The following RABGAP1L variants were observed in gnomAD, a reference collection of about 807,000 sequenced individuals.
The protein encoded by RABGAP1L is RAB GTPase activating protein 1 like, also known as rab GTPase-activating protein 1-like.
In RABGAP1L, 63 loss-of-function variants were observed where a neutral mutation model predicts 137.7. The observed-to-expected ratio is 0.46, with a 90% CI of 0.37 to 0.56. The LOEUF (loss-of-function observed/expected upper bound fraction) is 0.56, where lower values mean the gene tolerates loss of function less well. Ranked by LOEUF, RABGAP1L falls within the 20% of genes least tolerant of loss-of-function variation. RABGAP1L has a pLI of 0.00. For missense variants in RABGAP1L, 1,095 were observed against 1,244.0 expected (o/e 0.88, Z 1.80); for synonymous variants, 431 against 433.7 (o/e 0.99, Z 0.08).
At chr1:174,529,259 C>T (rs758689076) in intron 13 of RABGAP1L, among the ~76,000 whole-genome samples, 5 of 151,852 alleles carry the variant, frequency 3.3e-5, no homozygotes, top group East Asian at 3.9e-4. Context: ...ATATAACAGT[C>T]GCTTCTTTCA....
At chr1:174,548,344 T>C in intron 13 of RABGAP1L, 16 of 1,142,532 alleles carry the variant, frequency 1.4e-5, no homozygotes, top group Non-Finnish European at 1.8e-5. Flanking sequence ...GTTTTTAAAG[T>C]GCTCTATTAC....
chr1:174,677,053 G>A (rs1677685215), intron 14 of RABGAP1L, among the ~76,000 whole-genome samples: 1 of 151,660 alleles, frequency 6.6e-6, no homozygotes, highest in Admixed American at 6.6e-5. Context: ...CAGATGGGGT[G>A]GCTCATGCGT....
chr1:174,182,979 T>C (rs1666498264), intron 1 of RABGAP1L, among the ~76,000 whole-genome samples: 2 of 152,250 alleles, frequency 1.3e-5, no homozygotes, highest in South Asian at 4.1e-4. Context: ...AAGCTATTTC[T>C]TTATATGCAT....
At chr1:174,749,711 G>A (rs540845066) in intron 17 of RABGAP1L, among the ~76,000 whole-genome samples, 6 of 152,172 alleles carry the variant, frequency 3.9e-5, no homozygotes, top group Admixed American at 3.3e-4. Context: ...GGCAATAAAT[G>A]GCAAATGTTT....
intron 20 of RABGAP1L, among the ~76,000 whole-genome samples, chr1:174,963,226 T>C (rs1228148810): frequency 6.6e-6 from 1 of 152,172 alleles, no homozygotes; most frequent in Non-Finnish European, 1.5e-5. Flanking sequence ...TAAGGAATAG[T>C]AATAGACACA....
chr1:174,869,026 G>A lies in RABGAP1L; in HGVS notation c.2340+57066G>A, dbSNP rs535582138. On this transcript the variant is annotated intron_variant, in intron 19 of 25. Coordinates refer to ENST00000681986, the MANE Select transcript of RABGAP1L (RefSeq NM_001366446.1). ...AAATGGAGGCATTGGTTGTGTTCTC[G>A]TATACTGAGAACCTCACTCCCTGCC... Among the ~76,000 whole-genome samples, 13 of 151,924 alleles carry A rather than the reference G, an allele frequency of 8.6e-5. 1 individual carries two copies. The South Asian group carries it at 2.5e-3, about 29-fold the overall frequency.
intron 15 of RABGAP1L, among the ~76,000 whole-genome samples, chr1:174,688,392 C>T (rs1678633734): frequency 6.6e-6 from 1 of 151,894 alleles, no homozygotes; most frequent in Admixed American, 6.6e-5. Flanking sequence ...CTAATATTGG[C>T]ATTTATAGAA....
intron 13 of RABGAP1L, among the ~76,000 whole-genome samples, chr1:174,616,148 A>G (rs1485741020): frequency 1.3e-5 from 2 of 152,208 alleles, no homozygotes; most frequent in Non-Finnish European, 2.9e-5. Flanking sequence ...ATGGAAATGC[A>G]GAAATCACCT....
chr1:174,967,334 T>C (rs1669724553), intron 20 of RABGAP1L, among the ~76,000 whole-genome samples: 1 of 147,876 alleles, frequency 6.8e-6, no homozygotes, highest in African/African-American at 2.5e-5. Flanking sequence ...CAGCTAATTT[T>C]TTTTTTTTTT....
intron 19 of RABGAP1L, among the ~76,000 whole-genome samples, chr1:174,866,693 C>T (rs371892111): frequency 9.9e-4 from 151 of 152,150 alleles, no homozygotes; most frequent in African/African-American, 3.3e-3. Context: ...GGGTGAATGG[C>T]TTGAGTTTGT....
intron 14 of RABGAP1L, among the ~76,000 whole-genome samples, chr1:174,639,855 A>G (rs1426630080): frequency 6.6e-6 from 1 of 152,174 alleles, no homozygotes; most frequent in South Asian, 2.1e-4. Flanking sequence ...AATTCATTTG[A>G]AAATACTCAT....
chr1:174,834,703 A>G (rs909031806), intron 19 of RABGAP1L, among the ~76,000 whole-genome samples: 2 of 150,476 alleles, frequency 1.3e-5, no homozygotes, highest in Admixed American at 6.7e-5. Flanking sequence ...GGAGTCATAT[A>G]TATCAATTAT....
intron 13 of RABGAP1L, among the ~76,000 whole-genome samples, chr1:174,440,307 G>C (rs1653972554): frequency 1.3e-5 from 2 of 152,170 alleles, no homozygotes; most frequent in Non-Finnish European, 2.9e-5. Flanking sequence ...GATCTGGTTT[G>C]CATTGTGGAA....
chr1:174,395,552 T>C (rs896238088), intron 13 of RABGAP1L, among the ~76,000 whole-genome samples: 1 of 152,192 alleles, frequency 6.6e-6, no homozygotes, highest in African/African-American at 2.4e-5. Context: ...TGCATCACTA[T>C]AAAAAACTCT....
chr1:174,199,697 A>G (rs1024528004), intron 1 of RABGAP1L, among the ~76,000 whole-genome samples: 3 of 152,206 alleles, frequency 2.0e-5, no homozygotes, highest in Non-Finnish European at 4.4e-5. Context: ...AGCCAATTCA[A>G]TATCTCTAAC....
chr1:174,820,529 G>T (rs376691108), intron 19 of RABGAP1L, among the ~76,000 whole-genome samples: 1 of 152,136 alleles, frequency 6.6e-6, no homozygotes, highest in African/African-American at 2.4e-5. Context: ...GGGAAATGGA[G>T]TCTAATTAAT....
At chr1:174,411,192 C>T (rs1050101387) in intron 13 of RABGAP1L, among the ~76,000 whole-genome samples, 6 of 152,026 alleles carry the variant, frequency 3.9e-5, no homozygotes, top group Non-Finnish European at 8.8e-5. Context: ...GAAGAGAGAT[C>T]ATTTGACTTC....
chr1:174,713,573 T>C (rs1012717574), intron 17 of RABGAP1L, among the ~76,000 whole-genome samples: 5 of 152,180 alleles, frequency 3.3e-5, no homozygotes, highest in Non-Finnish European at 7.3e-5. Context: ...CCTGCTCTCG[T>C]TTACTCTCTC....
intron 19 of RABGAP1L, among the ~76,000 whole-genome samples, chr1:174,836,575 A>G (rs1226914699): frequency 1.3e-5 from 2 of 152,252 alleles, no homozygotes; most frequent in African/African-American, 2.4e-5. Flanking sequence ...AGTAGATTTC[A>G]TAGTATCTCT....
Sources: allele counts gnomAD v4.1 joint callset (sites outside exome capture counted in the v4.1 genomes callset), GRCh38; gene constraint gnomAD v4.1.1; transcripts MANE v1.5; gene names NCBI Gene and HGNC (gene_info 2026-07-23, HGNC 2026-07-21).